The following VCL variants were observed in gnomAD, a reference collection of about 807,000 sequenced individuals.
VCL encodes the protein vinculin.
Under a neutral mutation model 125.7 loss-of-function variants are expected in VCL, and 47 were observed. The observed-to-expected ratio is 0.37, with a 90% CI of 0.30 to 0.48. The LOEUF (loss-of-function observed/expected upper bound fraction) is 0.48. Among genes scored for constraint, VCL ranks in the 20% least tolerant of loss-of-function variants. The pLI, the probability that VCL is intolerant of heterozygous loss-of-function variation, is 0.99. For synonymous variants in VCL, 458 were observed against 514.6 expected (o/e 0.89, Z 1.49); for missense variants, 1,069 against 1,455.5 (o/e 0.73, Z 4.32).
intron 15 of VCL, among the ~76,000 whole-genome samples, chr10:74,104,188 C>G (rs1295838051): frequency 1.3e-5 from 2 of 152,186 alleles, no homozygotes; most frequent in African/African-American, 4.8e-5. Context: ...GTCACCACTC[C>G]TATCTTCTCT....
chr10:74,044,898 G>A (rs183987942), intron 2 of VCL, among the ~76,000 whole-genome samples: 22 of 152,194 alleles, frequency 1.4e-4, no homozygotes, highest in African/African-American at 5.3e-4. Flanking sequence ...AAACAATGAG[G>A]CCAGGTGCAG....
chr10:74,033,001 A>G (rs1475143057), intron 1 of VCL, among the ~76,000 whole-genome samples: 1 of 152,182 alleles, frequency 6.6e-6, no homozygotes, highest in Admixed American at 6.5e-5. Flanking sequence ...ACATAGAGAT[A>G]CCATATGACC....
chr10:74,111,933 G>C lies in VCL; in HGVS notation c.2770G>C (p.Gly924Arg). 1 of 1,614,192 alleles carries C rather than the reference G, an allele frequency of 6.2e-7. No homozygotes were observed. The highest frequency in any genetic ancestry group is 8.5e-7 in the Non-Finnish European group (1 of 1,180,034). ...GCCGGGCATCCCAGCCGCTGAGGTG[G>C]GTATAGGTGTTGTAGCTGAGGCAGA... ...SKPGIPAAEV[G>R]IGVVAEADAA... is the part of the protein sequence containing the mutation. Residue 924 changes from glycine to arginine, a missense_variant, in exon 19 of 22, where the codon GGT becomes CGT. Transcript: ENST00000211998.
At chr10:74,037,377 C>A (rs1841001207) in intron 1 of VCL, among the ~76,000 whole-genome samples, 1 of 152,170 alleles carries the variant, frequency 6.6e-6, no homozygotes, top group African/African-American at 2.4e-5. Flanking sequence ...ACAGGCTTTG[C>A]CAGTTGTTCT....
chr10:73,998,639 G>A (rs1565629074), intron 1 of VCL, among the ~76,000 whole-genome samples: 3 of 152,248 alleles, frequency 2.0e-5, no homozygotes, highest in Non-Finnish European at 4.4e-5. Flanking sequence ...AAGATATGGC[G>A]AGGTATTATT....
chr10:74,008,442 G>A (rs549286241), intron 1 of VCL, among the ~76,000 whole-genome samples: 33 of 152,280 alleles, frequency 2.2e-4, no homozygotes, highest in Non-Finnish European at 4.3e-4. Flanking sequence ...TGAAAGTGGC[G>A]TTGGGATTTT....
Position 74,101,085 on chromosome 10 carries a change from A to C in VCL, c.2010A>C (p.Glu670Asp). The C allele has an allele frequency of 6.2e-7, 1 of 1,613,334 alleles. No individual in the cohort carries two copies. Among genetic ancestry groups the C allele is most frequent in the Non-Finnish European group, 8.5e-7 (1 of 1,179,610 alleles). The stretch of plus-strand genomic sequence containing the variant: ...AGGCCTCAGTGAAGACGGCCCGAGA[A>C]CTCACACCCCAGGTTGGGTTTTGCT... ...GIQASVKTAR[E>D]LTPQVVSAAR... The change falls in exon 14 of 22, where the codon GAA (glutamate) becomes GAC (aspartate). Residue 670 changes from glutamate to aspartate, a missense_variant. Glu to Asp is a conservative substitution (Grantham distance 45). Transcript: ENST00000211998.
chr10:74,081,355 G>T (rs1008358161), intron 6 of VCL, among the ~76,000 whole-genome samples: 11 of 152,188 alleles, frequency 7.2e-5, no homozygotes, highest in Admixed American at 5.9e-4. Flanking sequence ...TGATAGTGCT[G>T]TATCTTTTTT....
chr10:74,107,393 G>A (rs752643549), intron 17 of VCL, 39 bp downstream of exon 17: 1 of 1,614,126 alleles, frequency 6.2e-7, no homozygotes, highest in South Asian at 1.1e-5. Flanking sequence ...GAGCAGGAAG[G>A]TGTTGAGACT....
chr10:74,078,568 G>A (rs976570934), intron 6 of VCL, among the ~76,000 whole-genome samples: 1 of 152,144 alleles, frequency 6.6e-6, no homozygotes, highest in African/African-American at 2.4e-5. Context: ...TCCCCATGAG[G>A]AGAAAATCCC....
intron 18 of VCL, among the ~76,000 whole-genome samples, chr10:74,110,550 C>A (rs1360440794): frequency 6.6e-6 from 1 of 152,184 alleles, no homozygotes; most frequent in Non-Finnish European, 1.5e-5. Flanking sequence ...GGACTCTGAG[C>A]CTTAGCAGCA....
rs887602260 is a variant in VCL at position 74,104,822 on chromosome 10, C to G, written c.2132-229C>G. ...GTGGATACAAGAAGGCTGGCAACCA[C>G]GGTTGGTATAAATGCTGCAAATCCA... On this transcript the variant is annotated intron_variant, in intron 15 of 21. Transcript: ENST00000211998. 1.1e-5 allele frequency: 6 copies of G among 569,192 alleles called. No homozygotes were observed. In the African/African-American group the frequency reaches 1.1e-4, roughly 11 times the overall value. 35.3% of individuals were successfully genotyped at this position (569,192 alleles called of 1,614,324 possible).
At chr10:74,094,170 G>A in intron 10 of VCL, 101 bp from the exon 11 acceptor site, 2 of 1,428,662 alleles carry the variant, frequency 1.4e-6, no homozygotes, top group East Asian at 2.3e-5. Context: ...ATAGTAATCA[G>A]GAGCAATTTG....
chr10:74,107,065 G>A (rs1379988214), intron 16 of VCL, among the ~76,000 whole-genome samples, 165 bp from the exon 17 acceptor site: 2 of 152,212 alleles, frequency 1.3e-5, no homozygotes, highest in East Asian at 3.8e-4. Context: ...GCAGGCCTCA[G>A]GGCATCTGCC....
intron 1 of VCL, among the ~76,000 whole-genome samples, chr10:74,017,701 G>A (rs186757755): frequency 2.7e-5 from 4 of 150,034 alleles, no homozygotes; most frequent in Admixed American, 1.3e-4. Context: ...TACTACAGGT[G>A]CATGCCACCA....
At position 74,095,806 on chromosome 10, in the gene VCL, A is replaced by G; in HGVS notation, c.1694A>G (p.Glu565Gly). 6.2e-7 allele frequency: 1 copy of G among 1,614,124 alleles called. No individual in the cohort carries two copies. The highest frequency in any genetic ancestry group is 8.5e-7 in the Non-Finnish European group (1 of 1,180,044). The change falls in exon 12 of 22, where the codon GAG (glutamate) becomes GGG (glycine). Residue 565 changes from glutamate (E) to glycine (G), a missense_variant. Glu to Gly is a moderately conservative substitution (Grantham distance 98). This residue lies in a region of VCL where 760 missense variants were observed against 928.9 expected (regional missense o/e 0.82). Transcript: ENST00000211998. ...LADLAARGEGESPQARALASQ... is the reference protein window; with the variant it reads ...LADLAARGEGGSPQARALASQ... ...GACCTGGCTGCCAGAGGGGAAGGGG[A>G]GAGTCCTCAGGCACGAGCACTTGCA...
intron 1 of VCL, among the ~76,000 whole-genome samples, chr10:74,018,177 G>GATAGATATATAT (rs1840589173): frequency 1.2e-5 from 1 of 81,908 alleles, no homozygotes; most frequent in African/African-American, 4.4e-5. Context: ...ATATATATAG[G>GATAGATATATAT]ATATATATAT....
chr10:74,094,431 G>C lies in VCL; in HGVS notation c.1513G>C (p.Asp505His). 1.2e-6 allele frequency: 2 copies of C among 1,614,098 alleles called. No individual in the cohort carries two copies. The highest frequency in any genetic ancestry group is 1.7e-6 in the Non-Finnish European group (2 of 1,179,988). Residue 505 changes from aspartate (D) to histidine (H), a missense_variant, in exon 11 of 22, where the codon GAT becomes CAT. Around this residue, in one of 6 missense-constraint regions of VCL, gnomAD observed 760 missense variants for 928.9 expected, o/e 0.82. Transcript: ENST00000211998. ...GKIEQAQRWI[D>H]NPTVDDRGVG... ...GATTGAGCAAGCACAGCGGTGGATT[G>C]ATAATCCCACAGTGGATGACCGTGG...
At chr10:74,100,849 T>C in intron 13 of VCL, 99 bp from the exon 14 acceptor site, 2 of 1,411,724 alleles carry the variant, frequency 1.4e-6, no homozygotes, top group Non-Finnish European at 2.0e-6. Flanking sequence ...CTAAAGTCTT[T>C]GAGCAGTTGC....
Sources: gnomAD v4.1 joint callset for allele counts (sites outside exome capture counted in the v4.1 genomes callset) on GRCh38, gnomAD v4.1.1 for gene constraint, gnomAD v4.1.1 regional missense constraint, MANE v1.5 for transcripts, NCBI Gene and HGNC (gene_info 2026-07-23, HGNC 2026-07-21) for gene names.